SLC71A1: variants seen among roughly 807,000 people sequenced by gnomAD.
SLC71A1 encodes hippocampus abundant gene transcript 1.
At chr1:100,058,831 G>A in the SLC71A1 span, 1 of 587,208 alleles carries the variant, frequency 1.7e-6, no homozygotes, top group South Asian at 2.6e-5. Context: ...GCGAATATAT[G>A]TTTGTTTACT....
At chr1:100,061,778 A>G in the SLC71A1 span, 2 of 1,081,182 alleles carry the variant, frequency 1.8e-6, no homozygotes, top group Non-Finnish European at 2.8e-6. Context: ...TAAAAATGAA[A>G]GAAGATTAAA....
the SLC71A1 span, among the ~76,000 whole-genome samples, chr1:100,066,041 G>T: frequency 5.3e-5 from 8 of 152,112 alleles, no homozygotes; most frequent in African/African-American, 1.9e-4. Context: ...TGTCCAGTAG[G>T]CTAGAAATGT....
chr1:100,049,032 A>G, the SLC71A1 span, among the ~76,000 whole-genome samples: 1 of 152,042 alleles, frequency 6.6e-6, no homozygotes, highest in Non-Finnish European at 1.5e-5. Context: ...CTCCCCTCCA[A>G]CATTCATACT....
At chr1:100,069,129 G>A in the SLC71A1 span, among the ~76,000 whole-genome samples, 1 of 152,196 alleles carries the variant, frequency 6.6e-6, no homozygotes, top group Non-Finnish European at 1.5e-5. Flanking sequence ...GAGAAAGATA[G>A]TTTTCCCTGT....
the SLC71A1 span, among the ~76,000 whole-genome samples, chr1:100,062,716 C>T: frequency 2.0e-5 from 3 of 151,828 alleles, no homozygotes; most frequent in South Asian, 2.1e-4. Context: ...ATTCAAAGGA[C>T]GTTATAGTGA....
chr1:100,048,440 A>C, the SLC71A1 span, among the ~76,000 whole-genome samples: 1 of 152,108 alleles, frequency 6.6e-6, no homozygotes, highest in African/African-American at 2.4e-5. Context: ...TTGGCCTCCC[A>C]AAGTGCTGAG....
chr1:100,053,258 C>T, the SLC71A1 span, among the ~76,000 whole-genome samples: 1 of 152,000 alleles, frequency 6.6e-6, no homozygotes, highest in Non-Finnish European at 1.5e-5. Flanking sequence ...TTGTTTTGGG[C>T]CCCAGTACTC....
chr1:100,038,120 G>A, the SLC71A1 span: 6 of 917,676 alleles, frequency 6.5e-6, no homozygotes, highest in East Asian at 1.4e-4. Context: ...CCTCAAGATG[G>A]CGGCGGGCGC....
the SLC71A1 span, chr1:100,080,457 A>G: frequency 6.4e-7 from 1 of 1,566,734 alleles, no homozygotes; most frequent in African/African-American, 1.4e-5. Context: ...AAAAAAAACC[A>G]GGTAGTTTAC....
chr1:100,052,392 A>C, the SLC71A1 span, among the ~76,000 whole-genome samples: 1 of 119,054 alleles, frequency 8.4e-6, no homozygotes, highest in Non-Finnish European at 1.9e-5. Context: ...TTGTTTATTC[A>C]TTTTTCATAG....
At chr1:100,046,823 A>G in the SLC71A1 span, among the ~76,000 whole-genome samples, 1 of 152,290 alleles carries the variant, frequency 6.6e-6, no homozygotes, top group African/African-American at 2.4e-5. Flanking sequence ...CTTAGGTATT[A>G]CATCTGTAGC....
the SLC71A1 span, chr1:100,058,615 A>G: frequency 4.2e-6 from 4 of 958,490 alleles, no homozygotes; most frequent in Non-Finnish European, 6.7e-6. Flanking sequence ...TAGAAATTTT[A>G]TTAAGACTGA....
chr1:100,038,491 C>T, the SLC71A1 span, among the ~76,000 whole-genome samples: 16 of 152,306 alleles, frequency 1.1e-4, no homozygotes, highest in East Asian at 5.8e-4. Context: ...GGGAATCGTC[C>T]TCCGCTGCTC....
the SLC71A1 span, among the ~76,000 whole-genome samples, chr1:100,046,352 G>A: frequency 1.7e-4 from 25 of 148,608 alleles, no homozygotes; most frequent in Non-Finnish European, 3.0e-4. Context: ...TCAGTTTCCC[G>A]AGGAACTGGG....
At chr1:100,042,608 C>CT in the SLC71A1 span, among the ~76,000 whole-genome samples, 88 of 145,864 alleles carry the variant, frequency 6.0e-4, no homozygotes, top group South Asian at 1.7e-3. Flanking sequence ...CTTTTTCTTT[C>CT]TTTTTTTTTT....
At chr1:100,066,976 G>A in the SLC71A1 span, among the ~76,000 whole-genome samples, 3 of 113,766 alleles carry the variant, frequency 2.6e-5, no homozygotes, top group South Asian at 3.2e-4. Context: ...GCGACAGAGC[G>A]AGACTCCGTC....
At chr1:100,042,157 T>A in the SLC71A1 span, among the ~76,000 whole-genome samples, 146 of 152,340 alleles carry the variant, frequency 9.6e-4, 3 homozygotes, top group African/African-American at 3.4e-3. Flanking sequence ...ATGCTCATCT[T>A]AAAATATGAT....
the SLC71A1 span, among the ~76,000 whole-genome samples, chr1:100,044,706 C>T: frequency 1.3e-5 from 2 of 151,794 alleles, no homozygotes; most frequent in Non-Finnish European, 2.9e-5. Context: ...TTAGTAGAGA[C>T]GAGTTTTCTC....
the SLC71A1 span, among the ~76,000 whole-genome samples, chr1:100,056,413 T>C: frequency 2.6e-5 from 4 of 152,242 alleles, no homozygotes; most frequent in African/African-American, 9.6e-5. Context: ...GATGGACATT[T>C]AGGTTGCTTC....
Sources: gnomAD v4.1 joint callset for allele counts (sites outside exome capture counted in the v4.1 genomes callset) on GRCh38, gnomAD v4.1.1 for gene constraint, MANE v1.5 for transcripts, NCBI Gene and HGNC (gene_info 2026-07-23, HGNC 2026-07-21) for gene names.